The following NOSTRIN variants were observed in gnomAD, a reference collection of about 807,000 sequenced individuals.
NOSTRIN encodes the protein nitric oxide synthase trafficking, also known as BM247 homolog.
In NOSTRIN, 63 loss-of-function variants were observed where a neutral mutation model predicts 59.0. That is an observed-to-expected ratio of 1.07 (90% CI 0.87 to 1.32). The LOEUF is 1.32. NOSTRIN is among the 40% of genes most tolerant of loss of function. NOSTRIN has a pLI of 0.00. For missense variants in NOSTRIN, 512 were observed against 473.1 expected (o/e 1.08, Z -0.76); for synonymous variants, 200 against 165.4 (o/e 1.21, Z -1.61).
chr2:168,840,203 A>G (rs796132864), intron 7 of NOSTRIN, among the ~76,000 whole-genome samples: 5 of 152,086 alleles, frequency 3.3e-5, no homozygotes, highest in African/African-American at 1.2e-4. Flanking sequence ...TTGAGTTTCT[A>G]CAGACACATG....
chr2:168,823,601 G>A (rs761563256), intron 2 of NOSTRIN, among the ~76,000 whole-genome samples: 1 of 151,992 alleles, frequency 6.6e-6, no homozygotes, highest in Non-Finnish European at 1.5e-5. Flanking sequence ...TCTTTATATG[G>A]GACACATCCA....
intron 2 of NOSTRIN, among the ~76,000 whole-genome samples, chr2:168,813,035 T>A (rs1340094911): frequency 6.6e-6 from 1 of 152,214 alleles, no homozygotes; most frequent in African/African-American, 2.4e-5. Context: ...ATGAAGTAAC[T>A]TCTATCCTAA....
At chr2:168,812,199 A>G (rs1686175486) in intron 2 of NOSTRIN, 1 of 152,204 alleles carries the variant, frequency 6.6e-6, no homozygotes, top group South Asian at 2.1e-4. Flanking sequence ...CAAGAAAGTT[A>G]TGAAAGCCCT....
rs1345287209 is a variant in NOSTRIN, at chr2:168,865,065, CT to C, written c.*99del. The C allele has an allele frequency of 5.1e-6, 7 of 1,359,740 alleles. No individual in the cohort carries two copies. The highest frequency in any genetic ancestry group is 5.0e-6 in the Non-Finnish European group (5 of 991,020). 84.2% of individuals were successfully genotyped at this position (1,359,740 alleles called of 1,614,324 possible). On this transcript the variant is annotated 3_prime_UTR_variant, in exon 16 of 16. Coordinates refer to ENST00000317647, the MANE Select transcript of NOSTRIN (RefSeq NM_001039724.4). ...AGTGCTCTTACCTTTACATGTTTTT[CT>C]TTTGAAATGGATGGAGTTCTACCTG...
intron 8 of NOSTRIN, among the ~76,000 whole-genome samples, chr2:168,848,521 C>T (rs904649023): frequency 2.6e-5 from 4 of 152,118 alleles, no homozygotes; most frequent in African/African-American, 9.7e-5. Context: ...GAGCCTTTTA[C>T]TACTTTCATT....
At position 168,856,728 on chromosome 2, in the gene NOSTRIN, T is replaced by A. The variant is rs773268786; in HGVS notation, c.1003T>A (p.Ser335Thr). ...RMLKTYSSTS[S>T]FSDAKSQKDT... ...GCTTAAAACGTACTCCAGCACCTCC[T>A]CCTTCTCTGATGCAAAGAGCCAGAA... The change falls in exon 12 of 16, where the codon TCC (serine) becomes ACC (threonine). Residue 335 changes from serine to threonine, a missense_variant. Transcript: ENST00000317647. 62 of 1,614,046 alleles carry A rather than the reference T, an allele frequency of 3.8e-5. 1 individual carries two copies. In the South Asian group the frequency reaches 4.4e-4, roughly 11 times the overall value.
chr2:168,848,308 C>CT, intron 8 of NOSTRIN, among the ~76,000 whole-genome samples: 1 of 152,346 alleles, frequency 6.6e-6, no homozygotes, highest in Admixed American at 6.5e-5. Context: ...CTGGTGCCTG[C>CT]AATTTTGTGA....
chr2:168,838,573 A>T (rs117192494), intron 7 of NOSTRIN, among the ~76,000 whole-genome samples: 6 of 151,718 alleles, frequency 4.0e-5, no homozygotes, highest in African/African-American at 1.2e-4. Context: ...GCTTTTGTCT[A>T]TCTCCACTGC....
chr2:168,856,600 C>A, intron 11 of NOSTRIN, 90 bp from the exon 12 acceptor site: 1 of 1,167,946 alleles, frequency 8.6e-7, no homozygotes, highest in South Asian at 1.3e-5. Context: ...ACTGGTATCA[C>A]TTCTAGGCTC....
intron 7 of NOSTRIN, among the ~76,000 whole-genome samples, chr2:168,840,610 G>A (rs1394325159): frequency 1.3e-5 from 2 of 150,932 alleles, no homozygotes; most frequent in East Asian, 3.9e-4. Context: ...CAGTTGTATA[G>A]CCTTAGTATC....
At chr2:168,849,999 T>C (rs977511713) in intron 8 of NOSTRIN, among the ~76,000 whole-genome samples, 1 of 150,710 alleles carries the variant, frequency 6.6e-6, no homozygotes, top group Non-Finnish European at 1.5e-5. Context: ...CACTGCAAAC[T>C]TCACCTCCTG....
intron 1 of NOSTRIN, among the ~76,000 whole-genome samples, chr2:168,810,994 T>A (rs1373436868): frequency 6.6e-6 from 1 of 152,178 alleles, no homozygotes; most frequent in African/African-American, 2.4e-5. Context: ...ATTAATAAAT[T>A]TATAACAGTT....
chr2:168,833,855 A>C (rs537985872), intron 6 of NOSTRIN, among the ~76,000 whole-genome samples: 23 of 152,320 alleles, frequency 1.5e-4, no homozygotes, highest in Admixed American at 2.6e-4. Context: ...TGATGCAGGC[A>C]GTCTTCTGTG....
chr2:168,847,160 G>C (rs920959519), intron 8 of NOSTRIN, among the ~76,000 whole-genome samples: 2 of 152,180 alleles, frequency 1.3e-5, no homozygotes, highest in Non-Finnish European at 2.9e-5. Context: ...CTGTTCACAT[G>C]TACGGTTAAG....
At chr2:168,799,636 A>G (rs1201359733), upstream of NOSTRIN, among the ~76,000 whole-genome samples, 1 of 152,134 alleles carries the variant, frequency 6.6e-6, no homozygotes, top group Non-Finnish European at 1.5e-5. Context: ...ATGTGGGGTC[A>G]GAGGAGAGAA....
chr2:168,838,603 G>A (rs526418), intron 7 of NOSTRIN, among the ~76,000 whole-genome samples: 54,796 of 151,508 alleles, frequency 0.36, 10,592 homozygotes, highest in South Asian at 0.61. Flanking sequence ...CTCTCAGGCC[G>A]CAATCATCTT....
chr2:168,814,296 A>G (rs981113881), intron 2 of NOSTRIN, among the ~76,000 whole-genome samples: 6 of 152,232 alleles, frequency 3.9e-5, no homozygotes, highest in Admixed American at 1.3e-4. Context: ...TTGTTAAACC[A>G]TATCAACAAG....
At chr2:168,807,281 CAG>C (rs561580911) in intron 1 of NOSTRIN, among the ~76,000 whole-genome samples, 1 of 151,760 alleles carries the variant, frequency 6.6e-6, no homozygotes, top group Non-Finnish European at 1.5e-5. Context: ...CACACACACA[CAG>C]AGAGAGAGAG....
intron 12 of NOSTRIN, among the ~76,000 whole-genome samples, chr2:168,857,588 T>C (rs1689201705): frequency 6.6e-6 from 1 of 152,154 alleles, no homozygotes; most frequent in Admixed American, 6.5e-5. Context: ...GGGAAAGGGA[T>C]AGTTAACAAA....
Sources: gnomAD v4.1 joint callset for allele counts (sites outside exome capture counted in the v4.1 genomes callset) on GRCh38, gnomAD v4.1.1 for gene constraint, MANE v1.5 for transcripts, NCBI Gene and HGNC (gene_info 2026-07-23, HGNC 2026-07-21) for gene names.